Variants in RNF144A observed in about 807,000 individuals in gnomAD.
RNF144A encodes E3 ubiquitin-protein ligase RNF144A.
RNF144A carries 11 observed loss-of-function variants against 38.7 expected under a neutral mutation model. The observed-to-expected ratio is 0.28, with a 90% CI of 0.18 to 0.47. The LOEUF (loss-of-function observed/expected upper bound fraction) is 0.47. RNF144A is among the 20% of genes least tolerant of loss of function. The pLI, the probability that RNF144A is intolerant of heterozygous loss-of-function variation, is 0.99. For synonymous variants in RNF144A, 149 were observed against 143.9 expected (o/e 1.04, Z -0.25); for missense variants, 316 against 377.2 (o/e 0.84, Z 1.34).
chr2:6,938,047 G>T (rs1467614965), intron 1 of RNF144A, among the ~76,000 whole-genome samples: 2 of 152,220 alleles, frequency 1.3e-5, no homozygotes, highest in Admixed American at 1.3e-4. Context: ...GAAAGAGGCA[G>T]TTGAATTTGT....
chr2:7,039,503 G>C, intron 8 of RNF144A, 126 bp from the exon 9 acceptor site: 1 of 1,485,984 alleles, frequency 6.7e-7, no homozygotes, highest in Non-Finnish European at 9.1e-7. Flanking sequence ...TGGATGGATG[G>C]ATAGATGGAT....
intron 5 of RNF144A, among the ~76,000 whole-genome samples, chr2:7,018,174 G>A (rs1013710728): frequency 6.6e-6 from 1 of 152,218 alleles, no homozygotes; most frequent in Admixed American, 6.5e-5. Flanking sequence ...CACAGGAGAG[G>A]TGGGGACAGC....
intron 8 of RNF144A, among the ~76,000 whole-genome samples, chr2:7,038,698 G>C (rs868702547): frequency 6.6e-6 from 1 of 152,132 alleles, no homozygotes; most frequent in African/African-American, 2.4e-5. Context: ...GGGCAGATGA[G>C]TGGGTGGGTG....
chr2:7,036,424 GA>G (rs1396715188), intron 8 of RNF144A, among the ~76,000 whole-genome samples: 1 of 152,220 alleles, frequency 6.6e-6, no homozygotes, highest in Non-Finnish European at 1.5e-5. Flanking sequence ...GGTGCACAGT[GA>G]TAGTTTCAGA....
chr2:6,927,667 T>C (rs954308408), intron 1 of RNF144A, among the ~76,000 whole-genome samples: 1 of 152,240 alleles, frequency 6.6e-6, no homozygotes, highest in South Asian at 2.1e-4. Context: ...CCAGTCCCAA[T>C]TGAGCTGTGC....
At chr2:6,954,441 A>C (rs1366989374) in intron 2 of RNF144A, among the ~76,000 whole-genome samples, 1 of 152,232 alleles carries the variant, frequency 6.6e-6, no homozygotes, top group Non-Finnish European at 1.5e-5. Flanking sequence ...ACAGGTTTAT[A>C]AGCTACGATG....
intron 1 of RNF144A, among the ~76,000 whole-genome samples, chr2:6,939,399 A>G (rs1460132122): frequency 6.6e-6 from 1 of 152,224 alleles, no homozygotes; most frequent in Admixed American, 6.5e-5. Context: ...AGAAATGTCT[A>G]TTTAAATCCT....
At chr2:7,033,602 A>G (rs1180139867) in intron 8 of RNF144A, among the ~76,000 whole-genome samples, 2 of 152,070 alleles carry the variant, frequency 1.3e-5, no homozygotes, top group South Asian at 2.1e-4. Flanking sequence ...CCAGCTCTGC[A>G]CATCCACATT....
intron 6 of RNF144A, among the ~76,000 whole-genome samples, chr2:7,062,120 G>A (rs1167063789): frequency 6.6e-6 from 1 of 152,190 alleles, no homozygotes; most frequent in Non-Finnish European, 1.5e-5. Context: ...TTGAGGCTGG[G>A]CGCTCACTGT....
At chr2:7,011,742 C>A (rs573463930) in intron 3 of RNF144A, among the ~76,000 whole-genome samples, 1 of 152,310 alleles carries the variant, frequency 6.6e-6, no homozygotes, top group African/African-American at 2.4e-5. Flanking sequence ...TTCAAGACAT[C>A]TTTTTGCAAT....
At chr2:6,985,006 T>G (rs1268250614) in intron 2 of RNF144A, among the ~76,000 whole-genome samples, 2 of 152,228 alleles carry the variant, frequency 1.3e-5, no homozygotes, top group African/African-American at 4.8e-5. Flanking sequence ...TCTCTTTCAG[T>G]GTTTCCCATG....
In RNF144A at chr2:6,997,045, G is replaced by A. The variant is rs1326989566; in HGVS notation, c.119G>A (p.Cys40Tyr). The A allele has an allele frequency of 6.2e-7, 1 of 1,614,034 alleles. No individual in the cohort carries two copies. The highest frequency in any genetic ancestry group is 8.5e-7 in the Non-Finnish European group (1 of 1,179,960). The change falls in exon 3 of 9, where the codon TGC becomes TAC. Residue 40 changes from cysteine to tyrosine, a missense_variant. Cys to Tyr is a radical substitution (Grantham distance 194). Coordinates refer to ENST00000320892, the MANE Select transcript of RNF144A (RefSeq NM_014746.6). ...ATGACAACCATAGCCCAGTGCCAAT[G>A]CATCTTCTGTACTCTGGTTGGTCTT... Reference protein sequence around the residue: ...EQMTTIAQCQCIFCTLCLKQY... With the variant: ...EQMTTIAQCQYIFCTLCLKQY...
At chr2:6,980,923 C>G (rs571182579) in intron 2 of RNF144A, among the ~76,000 whole-genome samples, 1 of 152,352 alleles carries the variant, frequency 6.6e-6, no homozygotes, top group African/African-American at 2.4e-5. Context: ...TAACTCTTGC[C>G]TTATGCGCAC....
chr2:7,005,083 A>C (rs1449146432), intron 3 of RNF144A, among the ~76,000 whole-genome samples: 1 of 152,238 alleles, frequency 6.6e-6, no homozygotes, highest in Non-Finnish European at 1.5e-5. Context: ...TAGCGTCGTC[A>C]GATTAAGAAG....
intron 6 of RNF144A, among the ~76,000 whole-genome samples, chr2:7,059,056 A>C (rs1279869772): frequency 6.6e-6 from 1 of 152,122 alleles, no homozygotes; most frequent in East Asian, 1.9e-4. Context: ...TTAAAAAAAT[A>C]CTGTGGATGG....
downstream of RNF144A, among the ~76,000 whole-genome samples, chr2:7,069,869 T>C (rs575786411): frequency 5.9e-5 from 9 of 152,344 alleles, no homozygotes; most frequent in South Asian, 1.0e-3. Context: ...AAAAAGTTTG[T>C]TTATAATGAC....
intron 2 of RNF144A, among the ~76,000 whole-genome samples, chr2:6,972,749 C>T (rs1280345637): frequency 6.6e-6 from 1 of 152,222 alleles, no homozygotes; most frequent in East Asian, 1.9e-4. Flanking sequence ...GGTTCTGTTC[C>T]TGAGCCACGT....
Position 6,961,041 on chromosome 2 carries a change from A to G in RNF144A, c.-12+19894A>G, listed in dbSNP as rs74964579. On this transcript the variant is annotated intron_variant, in intron 2 of 8. Transcript: ENST00000320892. ...AATCTGCTTTGCTATTTGAAATGCA[A>G]CGTGGTCCTCTGGATGTCTTTCTTG... 3.6e-4 allele frequency among the ~76,000 whole-genome samples: 54 copies of G among 151,760 alleles called. No individual in the cohort carries two copies. The East Asian group carries it at 8.7e-3, about 24-fold the overall frequency.
chr2:6,994,525 A>G (rs775863300), intron 2 of RNF144A, among the ~76,000 whole-genome samples: 1 of 152,194 alleles, frequency 6.6e-6, no homozygotes, highest in Non-Finnish European at 1.5e-5. Flanking sequence ...AAGCATAAGC[A>G]TAAAATTCAA....
Sources: allele counts gnomAD v4.1 joint callset (sites outside exome capture counted in the v4.1 genomes callset), GRCh38; gene constraint gnomAD v4.1.1; transcripts MANE v1.5; gene names NCBI Gene and HGNC (gene_info 2026-07-23, HGNC 2026-07-21).